The following MEIS1 variants were observed in gnomAD, a reference collection of about 807,000 sequenced individuals.
MEIS1 encodes the protein Meis homeobox 1.
Under a neutral mutation model 50.8 loss-of-function variants are expected in MEIS1, and 5 were observed. The observed-to-expected ratio is 0.10, with a 90% confidence interval of 0.05 to 0.21. The LOEUF (loss-of-function observed/expected upper bound fraction) is 0.21, where lower values mean the gene tolerates loss of function less well. Ranked by LOEUF, MEIS1 falls within the 10% of genes least tolerant of loss-of-function variation. The pLI, the probability that MEIS1 is intolerant of heterozygous loss-of-function variation, is 1.00. For missense variants in MEIS1, 318 were observed against 517.3 expected, an observed-to-expected ratio of 0.61 and a Z score of 3.74; for synonymous variants, 176 against 179.3, an observed-to-expected ratio of 0.98 and a Z score of 0.15.
intron 7 of MEIS1, among the ~76,000 whole-genome samples, chr2:66,486,291 G>T (rs1484722103): frequency 6.6e-6 from 1 of 152,200 alleles, no homozygotes; most frequent in East Asian, 1.9e-4. Context: ...GTAAGGAAGG[G>T]ATCCAGTTTC....
intron 9 of MEIS1, among the ~76,000 whole-genome samples, chr2:66,553,983 A>C (rs1674989444): frequency 6.6e-6 from 1 of 152,194 alleles, no homozygotes; most frequent in Admixed American, 6.5e-5. Context: ...TTGAAAGTCC[A>C]AATATGGTTT....
At chr2:66,560,479 C>T (rs552908019) in intron 9 of MEIS1, among the ~76,000 whole-genome samples, 4 of 150,746 alleles carry the variant, frequency 2.7e-5, no homozygotes, top group Admixed American at 1.3e-4. Context: ...CTGTAGTCCT[C>T]GGAGGCTGAA....
intron 9 of MEIS1, among the ~76,000 whole-genome samples, chr2:66,563,854 G>T (rs1675275477): frequency 6.6e-6 from 1 of 152,160 alleles, no homozygotes; most frequent in Non-Finnish European, 1.5e-5. Flanking sequence ...GAGAGAGGAT[G>T]TATAAAATAG....
chr2:66,453,851 A>G (rs1672330174), intron 6 of MEIS1, among the ~76,000 whole-genome samples: 1 of 151,962 alleles, frequency 6.6e-6, no homozygotes, highest in Non-Finnish European at 1.5e-5. Context: ...TTATGTCTCA[A>G]TTGTGTGTTC....
At chr2:66,464,667 C>T (rs1161874314) in intron 7 of MEIS1, among the ~76,000 whole-genome samples, 1 of 152,150 alleles carries the variant, frequency 6.6e-6, no homozygotes. Flanking sequence ...CTTCCCTCTC[C>T]ACTGGGTTGA....
intron 8 of MEIS1, among the ~76,000 whole-genome samples, chr2:66,527,012 C>G (rs143368020): frequency 1.1e-3 from 163 of 152,254 alleles, no homozygotes; most frequent in Non-Finnish European, 1.7e-3. Context: ...CAGCAACATT[C>G]ATCACTTCGT....
chr2:66,462,960 A>G (rs868444411), intron 6 of MEIS1, among the ~76,000 whole-genome samples: 4 of 152,120 alleles, frequency 2.6e-5, no homozygotes, highest in South Asian at 2.1e-4. Context: ...TTTGATTCCT[A>G]TACAGCATGC....
intron 10 of MEIS1, 157 bp from the exon 11 acceptor site, chr2:66,568,510 T>TCGGTGGTGGCCG: frequency 3.6e-6 from 2 of 557,338 alleles, no homozygotes; most frequent in South Asian, 2.0e-5. Context: ...TGTGTAGATC[T>TCGGTGGTGGCCG]AGTCTGAGAG....
Position 66,547,936 on chromosome 2 carries a change from C to T in MEIS1, c.889-7C>T. ...GATGCACACGTATCTTTTTTATTCT[C>T]TTTCAGCACCCTTACCCTTCTGAAG... On this transcript the variant is annotated splice_polypyrimidine_tract_variant and splice_region_variant and intron_variant, in intron 8 of 12. Transcript: ENST00000272369. 1 of 1,612,830 alleles carries T rather than the reference C, an allele frequency of 6.2e-7. No individual in the cohort carries two copies. The highest frequency in any genetic ancestry group is 8.5e-7 in the Non-Finnish European group (1 of 1,179,104).
intron 9 of MEIS1, among the ~76,000 whole-genome samples, chr2:66,557,485 C>G (rs1322552314): frequency 6.6e-6 from 1 of 152,160 alleles, no homozygotes; most frequent in Non-Finnish European, 1.5e-5. Flanking sequence ...TACTTTCTGT[C>G]TCTATATTTG....
At chr2:66,467,529 G>A (rs1256189082) in intron 7 of MEIS1, among the ~76,000 whole-genome samples, 3 of 151,754 alleles carry the variant, frequency 2.0e-5, no homozygotes, top group African/African-American at 7.3e-5. Context: ...CCCAGGAGGC[G>A]GAGGTTGCAG....
chr2:66,435,854 C>T lies in MEIS1; in HGVS notation c.-3C>T. On this transcript the variant is annotated 5_prime_UTR_variant, in exon 1 of 13. Transcript: ENST00000272369. ...TGAAGTAGGAAGGGAGCCAGAGAGGCCGATGGCGCAAAGGGTACGTATTAA... is the reference window on the plus strand; with the variant it reads ...TGAAGTAGGAAGGGAGCCAGAGAGGTCGATGGCGCAAAGGGTACGTATTAA... 5 of 1,568,494 alleles carry T rather than the reference C, an allele frequency of 3.2e-6. No individual in the cohort carries two copies. Among genetic ancestry groups the T allele is most frequent in the Non-Finnish European group, 4.3e-6 (5 of 1,161,670 alleles).
intron 8 of MEIS1, among the ~76,000 whole-genome samples, chr2:66,537,610 C>G (rs563997628): frequency 1.3e-5 from 2 of 152,162 alleles, no homozygotes; most frequent in Admixed American, 1.3e-4. Flanking sequence ...TTCTAACTTA[C>G]GGATACTTTA....
intron 8 of MEIS1, among the ~76,000 whole-genome samples, chr2:66,538,406 A>G (rs1298819473): frequency 6.6e-6 from 1 of 152,202 alleles, no homozygotes; most frequent in African/African-American, 2.4e-5. Context: ...AGTAAACATT[A>G]TATAAATGTC....
At chr2:66,559,657 C>G (rs1675162975) in intron 9 of MEIS1, among the ~76,000 whole-genome samples, 1 of 151,992 alleles carries the variant, frequency 6.6e-6, no homozygotes, top group Non-Finnish European at 1.5e-5. Flanking sequence ...CTATATTATC[C>G]TAGATCATGC....
chr2:66,556,942 T>A, intron 9 of MEIS1, among the ~76,000 whole-genome samples: 1 of 150,680 alleles, frequency 6.6e-6, no homozygotes, highest in African/African-American at 2.4e-5. Context: ...AGAGAGGGGG[T>A]AGCGGGGCAC....
Position 66,571,315 on chromosome 2 carries a change from G to C in MEIS1, c.*107G>C, listed in dbSNP as rs1416194551. ...ATGGGTGTGAGTATGGGACAGCCAA[G>C]TTATACCCAACCCCAGATGCCCCCC... On this transcript the variant is annotated 3_prime_UTR_variant, in exon 13 of 13. Transcript: ENST00000272369. 6.3e-7 allele frequency: 1 copy of C among 1,598,768 alleles called. No individual in the cohort carries two copies. The highest frequency in any genetic ancestry group is 1.3e-5 in the African/African-American group (1 of 74,622).
chr2:66,465,011 A>G (rs893458256), intron 7 of MEIS1, among the ~76,000 whole-genome samples: 2 of 152,222 alleles, frequency 1.3e-5, no homozygotes, highest in Non-Finnish European at 2.9e-5. Flanking sequence ...TTATCTGAAT[A>G]TAAAAAGGCT....
intron 7 of MEIS1, among the ~76,000 whole-genome samples, chr2:66,507,042 A>G (rs1365268211): frequency 6.6e-6 from 1 of 152,232 alleles, no homozygotes; most frequent in African/African-American, 2.4e-5. Context: ...AACATGCAAG[A>G]GAAAAAAGAA....
Sources: allele counts gnomAD v4.1 joint callset (sites outside exome capture counted in the v4.1 genomes callset), GRCh38; gene constraint gnomAD v4.1.1; transcripts MANE v1.5; gene names NCBI Gene and HGNC (gene_info 2026-07-23, HGNC 2026-07-21).